GON4L: variants seen among roughly 807,000 people sequenced by gnomAD.
GON4L encodes the protein GON-4-like protein.
In GON4L, 87 loss-of-function variants were observed where a neutral mutation model predicts 211.8. The ratio of observed to expected loss-of-function variants is 0.41; its 90% CI spans 0.35 to 0.49. GON4L has a LOEUF of 0.49. Among genes scored for constraint, GON4L ranks in the 20% least tolerant of loss-of-function variants. GON4L has a pLI of 0.15. For missense variants in GON4L, 2,155 were observed against 2,659.5 expected, an observed-to-expected ratio of 0.81 and a Z score of 4.17; for synonymous variants, 875 against 962.6, an observed-to-expected ratio of 0.91 and a Z score of 1.68.
At chr1:155,745,713 T>A (rs1660231748), downstream of GON4L, 1 of 854,428 alleles carries the variant, frequency 1.2e-6, no homozygotes, top group African/African-American at 1.7e-5. Context: ...GGAAAGGATG[T>A]GTTTGCGGAC....
At position 155,764,212 on chromosome 1, in the gene GON4L, C is replaced by T. The variant is rs141470603; in HGVS notation, c.4474-648G>A. On this transcript the variant is annotated intron_variant, in intron 21 of 31. Coordinates refer to ENST00000368331, the MANE Select transcript of GON4L (RefSeq NM_001282860.2). ...TGGCTCACCGCAACCTCTGCCTCCC[C>T]GGTTCAAGCAATTCTCCTGCCTCAA... Among the ~76,000 whole-genome samples the T allele has an allele frequency of 2.7e-3, 402 of 151,586 alleles. 1 individual carries two copies. The highest frequency in any genetic ancestry group is 4.4e-3 in the Admixed American group (67 of 15,214).
intron 8 of GON4L, among the ~76,000 whole-genome samples, chr1:155,814,844 G>A (rs1057429324): frequency 6.6e-6 from 1 of 152,122 alleles, no homozygotes; most frequent in African/African-American, 2.4e-5. Context: ...TGCAGTCAGT[G>A]TCTTATGCCT....
chr1:155,745,168 C>A (rs1352914603), downstream of GON4L, among the ~76,000 whole-genome samples: 3 of 152,196 alleles, frequency 2.0e-5, no homozygotes, highest in Admixed American at 6.5e-5. Flanking sequence ...TGTATTCATA[C>A]AATGGACTAT....
At chr1:155,768,309 CAAA>C (rs71080724) in intron 19 of GON4L, among the ~76,000 whole-genome samples, 2 of 112,654 alleles carry the variant, frequency 1.8e-5, no homozygotes, top group African/African-American at 3.4e-5. Flanking sequence ...GACTCCGTCT[CAAA>C]AAAAAAAAAA....
chr1:155,828,355 G>C (rs1159261953), intron 2 of GON4L, among the ~76,000 whole-genome samples: 1 of 151,902 alleles, frequency 6.6e-6, no homozygotes, highest in Non-Finnish European at 1.5e-5. Flanking sequence ...GCCAGGCATG[G>C]TGGCAGGCAC....
intron 2 of GON4L, among the ~76,000 whole-genome samples, chr1:155,829,386 G>A (rs767990064): frequency 2.2e-4 from 34 of 152,042 alleles, no homozygotes; most frequent in Non-Finnish European, 5.9e-5. Flanking sequence ...TGGGCGGACT[G>A]CCTGAGCTCA....
At chr1:155,831,381 T>TA (rs750276065) in intron 2 of GON4L, among the ~76,000 whole-genome samples, 4 of 151,990 alleles carry the variant, frequency 2.6e-5, no homozygotes, top group Non-Finnish European at 4.4e-5. Context: ...AGCCAAGAGT[T>TA]AGAGGTTGTA....
At chr1:155,839,144 GT>G (rs1448855684) in intron 2 of GON4L, among the ~76,000 whole-genome samples, 1 of 152,100 alleles carries the variant, frequency 6.6e-6, no homozygotes, top group Non-Finnish European at 1.5e-5. Context: ...ACTTGAAAAG[GT>G]TATTTATATA....
chr1:155,750,114 G>A lies in GON4L; in HGVS notation c.*470C>T. ...ACAAAGCCTGGCCCAGTGCTACCAG[G>A]GTGGTGACAGCCTCGTGGACTAAAG... is the stretch of plus-strand genomic sequence containing the variant. On this transcript the variant is annotated 3_prime_UTR_variant, in exon 32 of 32. Transcript: ENST00000368331. 2.7e-6 allele frequency: 2 copies of A among 739,112 alleles called. No homozygotes were observed. The highest frequency in any genetic ancestry group is 4.3e-6 in the Non-Finnish European group (2 of 462,070). The allele number at this position is 739,112 out of a possible 1,614,324, so 45.8% of individuals were successfully genotyped here. A position where few individuals can be genotyped will look rare whatever the true frequency, so the allele number is the denominator to read the frequency against.
rs1395575383 is a variant in GON4L at position 155,807,730 on chromosome 1, A to AAAAAG, written c.1453-2590_1453-2589insCTTTT. On this transcript the variant is annotated intron_variant, in intron 10 of 31. Transcript: ENST00000368331. ...AAAAAAAAAAAAAAAAAAAAAGAAA[A>AAAAAG]TCAGAAAGTGTGAGACCTCCATCTT... 1.5e-3 allele frequency among the ~76,000 whole-genome samples: 222 copies of AAAAAG among 143,828 alleles called. 12 individuals are homozygous for AAAAAG. Among genetic ancestry groups the AAAAAG allele is most frequent in the African/African-American group, 5.6e-3 (215 of 38,400 alleles). The allele number at this position is 143,828 out of a possible 152,430, so 94.4% of individuals were successfully genotyped here.
chr1:155,826,756 A>G lies in GON4L; in HGVS notation c.697+81T>C. On this transcript the variant is annotated intron_variant, in intron 3 of 31. Coordinates refer to ENST00000368331, the MANE Select transcript of GON4L (RefSeq NM_001282860.2). ...TGTAAAAATATAGTGAATTCAGGAT[A>G]TCTTAGGACATGTGCAGTTTTCTAC... 3.3e-6 allele frequency: 3 copies of G among 906,508 alleles called. No homozygotes were observed. In the South Asian group the frequency reaches 4.2e-5, roughly 13 times the overall value. 56.2% of individuals were successfully genotyped at this position (906,508 alleles called of 1,614,324 possible).
chr1:155,827,714 G>C (rs892558000), intron 2 of GON4L, among the ~76,000 whole-genome samples: 1 of 149,900 alleles, frequency 6.7e-6, no homozygotes, highest in Non-Finnish European at 1.5e-5. Context: ...AAAAAAGCCA[G>C]GTGCTTATAG....
At chr1:155,796,404 A>T (rs1202718286) in intron 11 of GON4L, among the ~76,000 whole-genome samples, 1 of 151,880 alleles carries the variant, frequency 6.6e-6, no homozygotes, top group Non-Finnish European at 1.5e-5. Flanking sequence ...CAGCCTACCA[A>T]GTAACTGAGA....
rs113916768 is a variant in GON4L, at chr1:155,852,534, G to C, written c.505+742C>G. On this transcript the variant is annotated intron_variant, in intron 2 of 31. Transcript: ENST00000368331. ...AGGCGGGCGGATCACGAGGTCAGGA[G>C]ACTGAGACCATCCTGGCTAACACAG... 5.6e-3 allele frequency among the ~76,000 whole-genome samples: 856 copies of C among 152,106 alleles called. 7 individuals carry two copies. Among genetic ancestry groups the C allele is most frequent in the African/African-American group, 0.02 (810 of 41,494 alleles).
At chr1:155,786,092 TC>T (rs1320923510) in intron 12 of GON4L, among the ~76,000 whole-genome samples, 1 of 99,146 alleles carries the variant, frequency 1.0e-5, no homozygotes, top group Non-Finnish European at 2.2e-5. Flanking sequence ...CGAGACTCTG[TC>T]TCAAAAAACA....
At position 155,765,465 on chromosome 1, in the gene GON4L, G is replaced by T; in HGVS notation, c.4008C>A (p.Ile1336=). Residue 1336 remains isoleucine, a synonymous_variant, in exon 21 of 32, where the codon ATC becomes ATA. Transcript: ENST00000368331. ...KMEPEEAREE[I]SGSPERDICD... ...AAATATCACGCTCAGGGGATCCACT[G>T]ATTTCCTCTCTAGCTTCTTCAGGTT... 3 of 1,614,144 alleles carry T rather than the reference G, an allele frequency of 1.9e-6. No homozygotes were observed. The highest frequency in any genetic ancestry group is 2.5e-6 in the Non-Finnish European group (3 of 1,179,998).
intron 19 of GON4L, among the ~76,000 whole-genome samples, chr1:155,769,772 T>A (rs763383408): frequency 6.6e-6 from 1 of 152,028 alleles, no homozygotes. Context: ...AAACCCTGAA[T>A]ACAACCTAAC....
intron 17 of GON4L, chr1:155,774,780 A>G: frequency 1.5e-6 from 1 of 677,380 alleles, no homozygotes; most frequent in East Asian, 2.8e-5. Context: ...CCATATTCCT[A>G]TACTGTCCAC....
rs368750749 is a variant in GON4L, at chr1:155,833,624, C to G, written c.506-6596G>C. ...TCACACCACTGCACTCCAGCCTGGT[C>G]AACAAAGCGAGACTCTGTCTCCAAA... On this transcript the variant is annotated intron_variant, in intron 2 of 31. Transcript: ENST00000368331. Among the ~76,000 whole-genome samples the G allele has an allele frequency of 2.6e-3, 244 of 94,250 alleles. 11 individuals are homozygous for G. In the South Asian group the frequency reaches 0.087, roughly 33 times the overall value. 61.8% of individuals were successfully genotyped at this position (94,250 alleles called of 152,430 possible).
Sources: allele counts gnomAD v4.1 joint callset (sites outside exome capture counted in the v4.1 genomes callset), GRCh38; gene constraint gnomAD v4.1.1; transcripts MANE v1.5; gene names NCBI Gene and HGNC (gene_info 2026-07-23, HGNC 2026-07-21).